Variants in NAA60 observed in about 807,000 individuals in gnomAD.
The protein encoded by NAA60 is N-alpha-acetyltransferase 60, NatF catalytic subunit, also known as N-alpha-acetyltransferase 60.
NAA60 carries 8 observed loss-of-function variants against 26.1 expected under a neutral mutation model. The ratio of observed to expected loss-of-function variants is 0.31; its 90% CI spans 0.18 to 0.55. The LOEUF is 0.55. Ranked by LOEUF, NAA60 falls within the 20% of genes least tolerant of loss-of-function variation. The probability of loss-of-function intolerance (pLI) is 0.93; values close to 1 mark genes in which losing one functional copy is unlikely to be tolerated. For missense variants in NAA60, 290 were observed against 311.3 expected, an observed-to-expected ratio of 0.93 and a Z score of 0.51; for synonymous variants, 131 against 122.5, an observed-to-expected ratio of 1.07 and a Z score of -0.46.
intron 2 of NAA60, among the ~76,000 whole-genome samples, chr16:3,468,580 A>C (rs1008086262): frequency 6.6e-6 from 1 of 152,322 alleles, no homozygotes; most frequent in East Asian, 1.9e-4. Flanking sequence ...GCTCAGGAGC[A>C]CGGAGTTGGG....
At chr16:3,483,229 G>A in intron 5 of NAA60, 134 bp from the exon 6 acceptor site, 2 of 704,904 alleles carry the variant, frequency 2.8e-6, no homozygotes, top group Non-Finnish European at 4.9e-6. Flanking sequence ...TGACAGTGGT[G>A]GTGAAGAAAG....
intron 2 of NAA60, among the ~76,000 whole-genome samples, chr16:3,467,129 G>A (rs1194088834): frequency 6.6e-6 from 1 of 152,168 alleles, no homozygotes; most frequent in Admixed American, 6.5e-5. Context: ...CCAGGGGTTG[G>A]GGGGCGGCCT....
At chr16:3,463,367 G>C (rs929781897) in intron 2 of NAA60, among the ~76,000 whole-genome samples, 4 of 150,440 alleles carry the variant, frequency 2.7e-5, no homozygotes, top group African/African-American at 9.9e-5. Flanking sequence ...GGCCAACATG[G>C]TGAAACCCCG....
chr16:3,473,470 G>A (rs1451563680), intron 2 of NAA60, among the ~76,000 whole-genome samples: 1 of 152,122 alleles, frequency 6.6e-6, no homozygotes, highest in Non-Finnish European at 1.5e-5. Context: ...GAACAGTATG[G>A]GCGAAACTGC....
intron 5 of NAA60, chr16:3,482,959 G>A (rs1033704099): frequency 1.5e-5 from 7 of 473,384 alleles, no homozygotes; most frequent in Admixed American, 1.4e-4. Context: ...GAACACGCAC[G>A]AGGAAGCAAC....
chr16:3,485,009 G>T lies in NAA60; in HGVS notation c.*154G>T. On this transcript the variant is annotated 3_prime_UTR_variant, in exon 7 of 8. Transcript: ENST00000407558. ...CCAGCTGCAGGCCCGGTGCTACACG[G>T]GCTCGGGAACAGAACATCGTGGGCA... The T allele has an allele frequency of 6.6e-7, 1 of 1,524,494 alleles. No individual in the cohort carries two copies. The highest frequency in any genetic ancestry group is 1.4e-5 in the African/African-American group (1 of 72,802). 94.4% of individuals were successfully genotyped at this position (1,524,494 alleles called of 1,614,324 possible).
chr16:3,464,840 C>G (rs1035844371), intron 2 of NAA60, among the ~76,000 whole-genome samples: 1 of 152,160 alleles, frequency 6.6e-6, no homozygotes, highest in African/African-American at 2.4e-5. Context: ...CTGAAAGCAT[C>G]GCTGGGACAA....
At chr16:3,447,564 G>A (rs1362257199) in intron 1 of NAA60, 1 of 985,400 alleles carries the variant, frequency 1.0e-6, no homozygotes, top group Non-Finnish European at 1.2e-6. Context: ...TTCATGGGAA[G>A]TTGATACTGA....
chr16:3,450,901 C>T (rs190607317), intron 2 of NAA60, among the ~76,000 whole-genome samples: 84 of 152,150 alleles, frequency 5.5e-4, no homozygotes, highest in African/African-American at 1.9e-3. Flanking sequence ...ATGAGGACAA[C>T]AATACTGAAC....
intron 2 of NAA60, among the ~76,000 whole-genome samples, chr16:3,469,117 G>A (rs1023875485): frequency 7.3e-5 from 11 of 151,594 alleles, no homozygotes; most frequent in Admixed American, 4.6e-4. Flanking sequence ...AGAGAGTTTC[G>A]CATTCTCCCG....
chr16:3,483,684 C>T (rs1413382329), intron 6 of NAA60, 87 bp downstream of exon 6: 13 of 1,039,522 alleles, frequency 1.3e-5, no homozygotes, highest in Admixed American at 2.3e-5. Flanking sequence ...TGTGGTCCCC[C>T]TCAGATGATG....
At chr16:3,465,686 C>T (rs1351165746) in intron 2 of NAA60, among the ~76,000 whole-genome samples, 1 of 152,158 alleles carries the variant, frequency 6.6e-6, no homozygotes, top group Non-Finnish European at 1.5e-5. Context: ...GGTGGGGGAG[C>T]ATCCCTGCTC....
At chr16:3,474,140 C>T (rs547597123) in intron 2 of NAA60, among the ~76,000 whole-genome samples, 2 of 152,292 alleles carry the variant, frequency 1.3e-5, no homozygotes, top group East Asian at 1.9e-4. Flanking sequence ...AGGCTTCTCC[C>T]TATAAAGCTG....
At chr16:3,447,464 T>C (rs1430194111) in intron 1 of NAA60, 2 of 985,298 alleles carry the variant, frequency 2.0e-6, no homozygotes, top group African/African-American at 3.5e-5. Context: ...CTACGTTTGG[T>C]GTGTTTTCCA....
At chr16:3,475,265 T>C (rs1340024779) in intron 2 of NAA60, among the ~76,000 whole-genome samples, 1 of 152,078 alleles carries the variant, frequency 6.6e-6, no homozygotes, top group African/African-American at 2.4e-5. Context: ...AATTTTTGTA[T>C]TTTTTGTAGA....
At chr16:3,457,606 C>T (rs975077252) in intron 2 of NAA60, among the ~76,000 whole-genome samples, 1 of 152,334 alleles carries the variant, frequency 6.6e-6, no homozygotes, top group African/African-American at 2.4e-5. Context: ...CAGCTGGCTC[C>T]GGGTGGTCGG....
At chr16:3,473,215 G>GC (rs2036262475) in intron 2 of NAA60, among the ~76,000 whole-genome samples, 1 of 151,858 alleles carries the variant, frequency 6.6e-6, no homozygotes, top group Non-Finnish European at 1.5e-5. Context: ...TGTATTTTTA[G>GC]TAGAGATGGG....
At chr16:3,443,648 T>C, upstream of NAA60, 4 of 1,185,886 alleles carry the variant, frequency 3.4e-6, no homozygotes, top group Non-Finnish European at 4.5e-6. Flanking sequence ...CTGCGAGAGG[T>C]AGTTTTCCTC....
At chr16:3,469,243 C>G (rs2035965428) in intron 2 of NAA60, among the ~76,000 whole-genome samples, 1 of 135,864 alleles carries the variant, frequency 7.4e-6, no homozygotes, top group African/African-American at 2.7e-5. Flanking sequence ...CAGCACTGCC[C>G]TGGTACCCAT....
Sources: allele counts gnomAD v4.1 joint callset (sites outside exome capture counted in the v4.1 genomes callset), GRCh38; gene constraint gnomAD v4.1.1; transcripts MANE v1.5; gene names NCBI Gene and HGNC (gene_info 2026-07-23, HGNC 2026-07-21).